Variants in PTPRK observed in about 807,000 individuals in gnomAD.
The protein encoded by PTPRK is receptor-type tyrosine-protein phosphatase kappa.
PTPRK carries 75 observed loss-of-function variants against 178.0 expected under a neutral mutation model. The observed-to-expected ratio is 0.42, with a 90% CI of 0.35 to 0.51. PTPRK has a LOEUF of 0.51. Ranked by LOEUF, PTPRK falls within the 20% of genes least tolerant of loss-of-function variation. The pLI, the probability that PTPRK is intolerant of heterozygous loss-of-function variation, is 0.02. For missense variants in PTPRK, 1,441 were observed against 1,797.8 expected, an observed-to-expected ratio of 0.80 and a Z score of 3.59; for synonymous variants, 637 against 620.6, an observed-to-expected ratio of 1.03 and a Z score of -0.39.
At chr6:128,418,159 G>A (rs1843050731) in intron 1 of PTPRK, among the ~76,000 whole-genome samples, 1 of 152,178 alleles carries the variant, frequency 6.6e-6, no homozygotes, top group African/African-American at 2.4e-5. Flanking sequence ...TCCATTAGGT[G>A]TTAATTTTTA....
At chr6:127,980,479 G>C (rs1389058467) in intron 25 of PTPRK, among the ~76,000 whole-genome samples, 1 of 151,378 alleles carries the variant, frequency 6.6e-6, no homozygotes, top group Non-Finnish European at 1.5e-5. Flanking sequence ...GCGACAGAGT[G>C]AGACTCTGTC....
intron 7 of PTPRK, among the ~76,000 whole-genome samples, chr6:128,126,204 C>G (rs1386721166): frequency 6.6e-6 from 1 of 152,018 alleles, no homozygotes; most frequent in Non-Finnish European, 1.5e-5. Flanking sequence ...TGTCCTAATG[C>G]TCTCCCCTCC....
chr6:128,263,934 C>A (rs982000), intron 3 of PTPRK, among the ~76,000 whole-genome samples: 6,795 of 152,180 alleles, frequency 0.045, 509 homozygotes, highest in African/African-American at 0.15. Context: ...GAGTAGTGAA[C>A]CACTTTGCTC....
At chr6:128,237,288 ATT>A (rs1253613353) in intron 5 of PTPRK, among the ~76,000 whole-genome samples, 4 of 152,122 alleles carry the variant, frequency 2.6e-5, no homozygotes, top group African/African-American at 9.7e-5. Flanking sequence ...GCCATTTGGT[ATT>A]TTACCTGACC....
chr6:128,182,761 G>A (rs2114690882), intron 7 of PTPRK, among the ~76,000 whole-genome samples: 1 of 152,158 alleles, frequency 6.6e-6, no homozygotes, highest in South Asian at 2.1e-4. Flanking sequence ...CAGTATAACT[G>A]GCTTCAAAAC....
chr6:128,067,702 G>A lies in PTPRK; in HGVS notation c.1974C>T (p.Tyr658=), dbSNP rs778675451. 3 of 1,613,792 alleles carry A rather than the reference G, an allele frequency of 1.9e-6. No individual in the cohort carries two copies. Among genetic ancestry groups the A allele is most frequent in the South Asian group, 2.2e-5 (2 of 91,060 alleles). ...AMECYQVPVT[Y]QNAMSGGAPY... is the part of the protein sequence containing the mutation. ...GTGCACCCCCACTCATGGCATTTTG[G>A]TATGTGACAGGAACCTGGTAGCATT... The change falls in exon 12 of 30, where the codon TAC becomes TAT. Residue 658 remains tyrosine (Y), a synonymous_variant. Transcript: ENST00000368226.
chr6:128,344,605 T>C (rs1832152114), intron 2 of PTPRK, among the ~76,000 whole-genome samples: 1 of 152,022 alleles, frequency 6.6e-6, no homozygotes, highest in Non-Finnish European at 1.5e-5. Flanking sequence ...AGCCCTGACC[T>C]CCCAGGTTCA....
intron 2 of PTPRK, among the ~76,000 whole-genome samples, chr6:128,395,752 T>G (rs1468966191): frequency 1.3e-5 from 2 of 152,088 alleles, no homozygotes; most frequent in South Asian, 2.1e-4. Context: ...AGGGGTCAAA[T>G]ATAAGAAACA....
chr6:128,042,646 CCTTAA>C (rs1457768957), intron 13 of PTPRK, among the ~76,000 whole-genome samples: 2 of 152,146 alleles, frequency 1.3e-5, no homozygotes, highest in Non-Finnish European at 2.9e-5. Flanking sequence ...ATCTCAAGAT[CCTTAA>C]CTTAATCACA....
At chr6:128,275,144 G>GT (rs750682690) in intron 3 of PTPRK, among the ~76,000 whole-genome samples, 16 of 151,822 alleles carry the variant, frequency 1.1e-4, no homozygotes, top group Non-Finnish European at 2.1e-4. Flanking sequence ...TATGATATAG[G>GT]TATCATCCCT....
chr6:128,414,699 T>C lies in PTPRK; in HGVS notation c.101-17011A>G, dbSNP rs528829698. The stretch of plus-strand genomic sequence containing the variant: ...TACTAAGTGTGGTACACAGAATATG[T>C]GAAACCAAATGCTTGCTTCATAAAG... On this transcript the variant is annotated intron_variant, in intron 1 of 29. Coordinates refer to ENST00000368226, the MANE Select transcript of PTPRK (RefSeq NM_002844.4). Among the ~76,000 whole-genome samples, 3 of 152,350 alleles carry C rather than the reference T, an allele frequency of 2.0e-5. No individual in the cohort carries two copies. The South Asian group carries it at 6.2e-4, about 32-fold the overall frequency.
intron 2 of PTPRK, among the ~76,000 whole-genome samples, chr6:128,388,424 G>C (rs1034628827): frequency 4.6e-5 from 7 of 152,128 alleles, no homozygotes; most frequent in African/African-American, 1.7e-4. Flanking sequence ...AGCCAACTCT[G>C]GACCTTTTGT....
At chr6:128,204,663 A>G (rs1169319192) in intron 6 of PTPRK, among the ~76,000 whole-genome samples, 1 of 152,168 alleles carries the variant, frequency 6.6e-6, no homozygotes, top group Non-Finnish European at 1.5e-5. Context: ...CATGAAAAAA[A>G]AAAAAGATCA....
intron 16 of PTPRK, among the ~76,000 whole-genome samples, chr6:127,998,470 A>T (rs1420703757): frequency 6.6e-6 from 1 of 152,048 alleles, no homozygotes; most frequent in Admixed American, 6.5e-5. Flanking sequence ...ATAGTAAAAT[A>T]AATTACGGAA....
intron 1 of PTPRK, among the ~76,000 whole-genome samples, chr6:128,419,388 G>A (rs887550325): frequency 1.3e-5 from 2 of 152,270 alleles, no homozygotes; most frequent in South Asian, 2.1e-4. Context: ...CAAGGCGGGC[G>A]GATCACGACG....
Position 128,089,691 on chromosome 6 carries a change from A to G in PTPRK, c.1464T>C (p.Asp488=). 3 of 1,607,016 alleles carry G rather than the reference A, an allele frequency of 1.9e-6. No individual in the cohort carries two copies. In the African/African-American group the frequency reaches 4.0e-5, roughly 21 times the overall value. The part of the protein sequence containing the change: ...SEETIIQTDE[D]VPGPVPVKSL... ...TTAAACAGCAAAGTATGAGCATACC[A>G]TCTTCATCAGTTTGAATAATTGTCT... Residue 488 remains aspartate, a splice_region_variant and synonymous_variant, in exon 8 of 30, where the codon GAT becomes GAC. Coordinates refer to ENST00000368226, the MANE Select transcript of PTPRK (RefSeq NM_002844.4).
At chr6:128,255,553 C>G (rs1264889105) in intron 3 of PTPRK, among the ~76,000 whole-genome samples, 1 of 152,202 alleles carries the variant, frequency 6.6e-6, no homozygotes, top group Non-Finnish European at 1.5e-5. Context: ...AACAGAAGGC[C>G]TTTGCCAAAG....
At chr6:128,482,165 A>C (rs1303977432) in intron 1 of PTPRK, among the ~76,000 whole-genome samples, 1 of 152,142 alleles carries the variant, frequency 6.6e-6, no homozygotes, top group Admixed American at 6.5e-5. Context: ...GAGACCTAGA[A>C]CTGTGCTGAA....
At position 127,973,770 on chromosome 6, in the gene PTPRK, G is replaced by A. The variant is rs1183878078; in HGVS notation, c.4027C>T (p.Arg1343Ter). 3 of 1,613,784 alleles carry A rather than the reference G, an allele frequency of 1.9e-6. No homozygotes were observed. The highest frequency in any genetic ancestry group is 2.2e-5 in the East Asian group (1 of 44,874). The part of the protein sequence containing the change: ...QFQYLGWASH[R>*]EVPGSKRSFL... ...GACCTTTTGGATCCAGGCACTTCTC[G>A]ATGAGAAGCCCATCCTAGGTACTGA... The change falls in exon 28 of 30, where the codon CGA becomes TGA. Residue 1343 changes from arginine (R) to a stop codon, truncating the protein, a stop_gained. Transcript: ENST00000368226. LOFTEE classifies it high-confidence loss of function.
Sources: allele counts gnomAD v4.1 joint callset (sites outside exome capture counted in the v4.1 genomes callset), GRCh38; gene constraint gnomAD v4.1.1; transcripts MANE v1.5; gene names NCBI Gene and HGNC (gene_info 2026-07-23, HGNC 2026-07-21).